The following INO80D variants were observed in gnomAD, a reference collection of about 807,000 sequenced individuals.
INO80D encodes the protein INO80 complex subunit D.
Under a neutral mutation model 87.6 loss-of-function variants are expected in INO80D, and 21 were observed. That is an observed-to-expected ratio of 0.24 (90% CI 0.17 to 0.35). The LOEUF (loss-of-function observed/expected upper bound fraction) is 0.35, where lower values mean the gene tolerates loss of function less well. INO80D is among the 10% of genes least tolerant of loss of function. The probability of loss-of-function intolerance (pLI) is 1.00; values close to 1 mark genes in which losing one functional copy is unlikely to be tolerated. For synonymous variants in INO80D, 440 were observed against 491.0 expected, an observed-to-expected ratio of 0.90 and a Z score of 1.37; for missense variants, 982 against 1,280.7, an observed-to-expected ratio of 0.77 and a Z score of 3.56.
In INO80D at chr2:206,085,910, GC is replaced by G. The variant is rs1169119235; in HGVS notation, c.-134del. ...GGCCGCCTCTGCTTACCTTTCAGCTGCTTTTTTTTTTCTCCTTCCCCCCTGT... is the reference window on the plus strand; with the variant it reads ...GGCCGCCTCTGCTTACCTTTCAGCTGTTTTTTTTTTCTCCTTCCCCCCTGT... On this transcript the variant is annotated 5_prime_UTR_variant, in exon 1 of 11. Transcript: ENST00000403263. The surrounding 1 kb of genome is among the most constrained non-coding windows in gnomAD (Gnocchi z 4.5). 1 of 149,390 alleles carries G rather than the reference GC, an allele frequency of 6.7e-6. No individual in the cohort carries two copies. The highest frequency in any genetic ancestry group is 1.5e-5 in the Non-Finnish European group (1 of 67,284). 9.3% of individuals were successfully genotyped at this position (149,390 alleles called of 1,614,324 possible). A position where few individuals can be genotyped will look rare whatever the true frequency, so the allele number is the denominator to read the frequency against.
At chr2:206,015,238 A>G (rs1265265251) in intron 8 of INO80D, among the ~76,000 whole-genome samples, 2 of 152,264 alleles carry the variant, frequency 1.3e-5, no homozygotes. Flanking sequence ...AGAAATTTGC[A>G]TAATTAACAA....
At chr2:206,074,904 ACTCCAGCCTG>A (rs1690069789) in intron 1 of INO80D, among the ~76,000 whole-genome samples, 1 of 151,172 alleles carries the variant, frequency 6.6e-6, no homozygotes, top group Non-Finnish European at 1.5e-5. Flanking sequence ...GCTCCATTGC[ACTCCAGCCTG>A]GACGACAAGA....
In INO80D at chr2:206,000,672, G is replaced by A. The variant is rs1687894055; in HGVS notation, c.*3696C>T. 6.6e-6 allele frequency: 1 copy of A among 152,094 alleles called. No homozygotes were observed. Among genetic ancestry groups the A allele is most frequent in the African/African-American group, 2.4e-5 (1 of 41,382 alleles). The allele number at this position is 152,094 out of a possible 1,614,324, so 9.4% of individuals were successfully genotyped here. On this transcript the variant is annotated 3_prime_UTR_variant, in exon 11 of 11. Coordinates refer to ENST00000403263, the MANE Select transcript of INO80D (RefSeq NM_017759.5). ...CTGATAAGGAAGAGCTTTAGTGTCA[G>A]TCACAGAAAATGATGATTCTTAACT...
chr2:206,025,528 C>CAAAAAAAAAAAAAAAAA (rs71410856), intron 6 of INO80D: 3 of 54,532 alleles, frequency 5.5e-5, no homozygotes, highest in Non-Finnish European at 6.7e-5. Context: ...AACTCCATCT[C>CAAAAAAAAAAAAAAAAA]AAAAAAAAAA....
intron 6 of INO80D, among the ~76,000 whole-genome samples, chr2:206,022,354 AG>A (rs1688487242): frequency 6.6e-6 from 1 of 152,096 alleles, no homozygotes; most frequent in South Asian, 2.1e-4. Context: ...GCAACAGAGC[AG>A]AACTCTGTCT....
At chr2:206,080,023 G>C (rs1690230707) in intron 1 of INO80D, among the ~76,000 whole-genome samples, 1 of 152,212 alleles carries the variant, frequency 6.6e-6, no homozygotes, top group African/African-American at 2.4e-5. Flanking sequence ...CTTTAGGCCA[G>C]AATAGAAGAA....
intron 8 of INO80D, among the ~76,000 whole-genome samples, chr2:206,012,004 G>A (rs1476125159): frequency 6.6e-6 from 1 of 152,334 alleles, no homozygotes; most frequent in African/African-American, 2.4e-5. Context: ...GAGCAATGCG[G>A]AAACTTGGGA....
intron 3 of INO80D, among the ~76,000 whole-genome samples, chr2:206,057,276 G>A (rs1037167238): frequency 9.9e-5 from 15 of 152,102 alleles, no homozygotes; most frequent in African/African-American, 2.9e-4. Context: ...AACTCATCAA[G>A]AGTCTAAAAG....
chr2:206,033,613 CT>C (rs1229722227), intron 5 of INO80D, among the ~76,000 whole-genome samples: 9 of 152,212 alleles, frequency 5.9e-5, no homozygotes, highest in Non-Finnish European at 1.2e-4. Flanking sequence ...GTTCATAGCC[CT>C]AAACGCCTAC....
At chr2:206,076,977 T>C (rs9989763) in intron 1 of INO80D, among the ~76,000 whole-genome samples, 44,928 of 152,108 alleles carry the variant, frequency 0.3, 7,217 homozygotes, top group Admixed American at 0.36. Context: ...TCACTTAATA[T>C]TAACTACCAT....
rs764395891 is a variant in INO80D, at chr2:205,995,268, T to C, written c.*9100A>G. On this transcript the variant is annotated 3_prime_UTR_variant, in exon 11 of 11. Transcript: ENST00000403263. ...CCTCAAGTGAATCTCCAGCTCTTTC[T>C]TACTCTCATGGGACAGATGGCATTT... The C allele has an allele frequency of 2.0e-5, 3 of 152,200 alleles. No homozygotes were observed. Among genetic ancestry groups the C allele is most frequent in the Non-Finnish European group, 4.4e-5 (3 of 68,030 alleles). The allele number at this position is 152,200 out of a possible 1,614,324, so 9.4% of individuals were successfully genotyped here.
At chr2:206,048,415 T>A (rs1689257154) in intron 4 of INO80D, among the ~76,000 whole-genome samples, 1 of 151,960 alleles carries the variant, frequency 6.6e-6, no homozygotes, top group Admixed American at 6.6e-5. Context: ...GTACTTTTTG[T>A]AGAGACCGGG....
chr2:205,996,778 T>C lies in INO80D; in HGVS notation c.*7590A>G, dbSNP rs1367928202. 2.0e-5 allele frequency: 3 copies of C among 152,182 alleles called. No individual in the cohort carries two copies. Among genetic ancestry groups the C allele is most frequent in the East Asian group, 1.9e-4 (1 of 5,178 alleles). 9.4% of individuals were successfully genotyped at this position (152,182 alleles called of 1,614,324 possible). Reference sequence around the variant, plus strand: ...ACACATCTCTGTACAGATATACACATAAGGGTCTGTTTTCACCCTTCAACC... The same window carrying C: ...ACACATCTCTGTACAGATATACACACAAGGGTCTGTTTTCACCCTTCAACC... On this transcript the variant is annotated 3_prime_UTR_variant, in exon 11 of 11. Transcript: ENST00000403263.
chr2:206,044,225 G>T (rs796517906), intron 5 of INO80D, among the ~76,000 whole-genome samples: 1 of 151,994 alleles, frequency 6.6e-6, no homozygotes, highest in Non-Finnish European at 1.5e-5. Flanking sequence ...TAAAATACAG[G>T]ACAGAGATTC....
intron 1 of INO80D, among the ~76,000 whole-genome samples, chr2:206,069,941 C>G (rs1191130040): frequency 6.6e-6 from 1 of 152,046 alleles, no homozygotes; most frequent in East Asian, 1.9e-4. Flanking sequence ...CCGAAAAGAG[C>G]AGATTTGTGG....
chr2:206,037,657 T>A (rs763349541), intron 5 of INO80D, among the ~76,000 whole-genome samples: 2 of 152,098 alleles, frequency 1.3e-5, no homozygotes, highest in Non-Finnish European at 2.9e-5. Context: ...GAAAACAGTA[T>A]AAAGATTTCT....
chr2:206,040,899 T>C (rs1186851258), intron 5 of INO80D: 1 of 158,582 alleles, frequency 6.3e-6, no homozygotes, highest in Admixed American at 6.5e-5. Context: ...ATATAAATAA[T>C]AACATTAAAT....
chr2:206,001,273 CAT>C lies in INO80D; in HGVS notation c.*3093_*3094del, dbSNP rs1445586652. ...CTGATCATAGCCAGTGAATATCACA[CAT>C]TAGAATGGAATTCAGATTCTCAGAG... On this transcript the variant is annotated 3_prime_UTR_variant, in exon 11 of 11. Coordinates refer to ENST00000403263, the MANE Select transcript of INO80D (RefSeq NM_017759.5). 6.6e-6 allele frequency: 1 copy of C among 152,182 alleles called. No individual in the cohort carries two copies. The highest frequency in any genetic ancestry group is 1.5e-5 in the Non-Finnish European group (1 of 68,040). 9.4% of individuals were successfully genotyped at this position (152,182 alleles called of 1,614,324 possible).
intron 3 of INO80D, among the ~76,000 whole-genome samples, chr2:206,060,586 G>A (rs1689662430): frequency 6.7e-6 from 1 of 149,276 alleles, no homozygotes. Context: ...TTGAGACGGA[G>A]TTTCGCTCTT....
Sources: allele counts gnomAD v4.1 joint callset (sites outside exome capture counted in the v4.1 genomes callset), GRCh38; gene constraint gnomAD v4.1.1; non-coding constraint Gnocchi (gnomAD v3.1); transcripts MANE v1.5; gene names NCBI Gene and HGNC (gene_info 2026-07-23, HGNC 2026-07-21).